The following OC90 variants were observed in gnomAD, a reference collection of about 807,000 sequenced individuals.
OC90 encodes otoconin 90, also known as otoconin-90.
Under a neutral mutation model 47.3 loss-of-function variants are expected in OC90, and 46 were observed. The ratio of observed to expected loss-of-function variants is 0.97; its 90% CI spans 0.77 to 1.24. The LOEUF (loss-of-function observed/expected upper bound fraction) is 1.24. Ranked by LOEUF, OC90 falls within the 50% of genes most tolerant of loss-of-function variation. The probability of loss-of-function intolerance (pLI) is 0.00; values close to 1 mark genes in which losing one functional copy is unlikely to be tolerated. For synonymous variants in OC90, 271 were observed against 219.5 expected (o/e 1.23, Z -2.07); for missense variants, 688 against 583.9 (o/e 1.18, Z -1.84).
chr8:132,040,905 G>A (rs1389746853), intron 6 of OC90, 139 bp downstream of exon 6: 2 of 639,608 alleles, frequency 3.1e-6, no homozygotes, highest in Middle Eastern at 3.7e-4. Context: ...GCCCTCGTGG[G>A]GCTCTAAGTG....
chr8:132,055,751 G>C (rs1823272746), intron 1 of OC90, among the ~76,000 whole-genome samples: 1 of 152,150 alleles, frequency 6.6e-6, no homozygotes, highest in Admixed American at 6.5e-5. Context: ...ACTCCTCGGA[G>C]GATGCTTTGG....
At chr8:132,045,285 T>A (rs1781999034) in intron 3 of OC90, among the ~76,000 whole-genome samples, 1 of 152,204 alleles carries the variant, frequency 6.6e-6, no homozygotes, top group Admixed American at 6.5e-5. Context: ...TGGAAATGAA[T>A]GCTTGATTCA....
In OC90 at chr8:132,034,770, A is replaced by G. The variant is rs745884909; in HGVS notation, c.733+11T>C. 1 of 1,600,440 alleles carries G rather than the reference A, an allele frequency of 6.2e-7. No individual in the cohort carries two copies. Among genetic ancestry groups the G allele is most frequent in the Non-Finnish European group, 8.6e-7 (1 of 1,168,510 alleles). ...TCATGAACATAGGCAGGTGGAGCCC[A>G]GTAGGCTTACCTGGAGGGGACGTAG... On this transcript the variant is annotated intron_variant, in intron 10 of 13. Transcript: ENST00000254627.
intron 2 of OC90, chr8:132,050,007 GT>G (rs1005290746): frequency 8.9e-6 from 3 of 337,650 alleles, no homozygotes; most frequent in African/African-American, 2.1e-5. Flanking sequence ...CATTATAAGG[GT>G]TTTTTTGTCC....
chr8:132,051,417 C>T (rs760135673), intron 2 of OC90, among the ~76,000 whole-genome samples: 7 of 152,178 alleles, frequency 4.6e-5, no homozygotes, highest in African/African-American at 1.4e-4. Context: ...TGAGACCTTC[C>T]TTTTTTGAAG....
At chr8:132,034,655 A>G (rs1822927757) in intron 10 of OC90, 126 bp downstream of exon 10, 6 of 652,686 alleles carry the variant, frequency 9.2e-6, no homozygotes, top group Non-Finnish European at 1.3e-5. Flanking sequence ...TTCTTGCCCC[A>G]TCACCTCCCA....
At chr8:132,057,427 C>A (rs944321256) in intron 1 of OC90, among the ~76,000 whole-genome samples, 1 of 152,070 alleles carries the variant, frequency 6.6e-6, no homozygotes, top group African/African-American at 2.4e-5. Context: ...TGCAAATGAG[C>A]CAAAATGACT....
At chr8:132,033,978 T>G (rs753175586) in intron 10 of OC90, among the ~76,000 whole-genome samples, 30 of 152,246 alleles carry the variant, frequency 2.0e-4, no homozygotes, top group Non-Finnish European at 3.8e-4. Context: ...TTCGTGCATC[T>G]GGTCATCTAC....
intron 2 of OC90, among the ~76,000 whole-genome samples, chr8:132,050,130 C>T (rs1198078813): frequency 6.6e-6 from 1 of 152,080 alleles, no homozygotes; most frequent in Admixed American, 6.6e-5. Context: ...AGCCTTACCT[C>T]ACTGGATCAT....
At chr8:132,045,534 C>T (rs1823119715) in intron 3 of OC90, among the ~76,000 whole-genome samples, 1 of 152,192 alleles carries the variant, frequency 6.6e-6, no homozygotes, top group South Asian at 2.1e-4. Context: ...TAATATATAA[C>T]CTTCACGTCA....
At chr8:132,028,225 C>T (rs1006389209) in intron 13 of OC90, among the ~76,000 whole-genome samples, 2 of 151,962 alleles carry the variant, frequency 1.3e-5, no homozygotes, top group African/African-American at 4.8e-5. Context: ...GAGTATTGGT[C>T]GGGCATGGTA....
Position 132,024,699 on chromosome 8 carries a change from A to G in OC90, c.1216T>C (p.Phe406Leu). ...TAAECMTSAS[F>L]NQSLKSPSRL... ...CTTGGGGACTTGAGGCTTTGGTTAA[A>G]GGAGGCAGAGGTCATGCACTCAGCT... The change falls in exon 14 of 14, where the codon TTT becomes CTT. Residue 406 changes from phenylalanine to leucine, a missense_variant. Transcript: ENST00000254627. The G allele has an allele frequency of 1.9e-6, 3 of 1,613,804 alleles. No individual in the cohort carries two copies. The highest frequency in any genetic ancestry group is 2.5e-6 in the Non-Finnish European group (3 of 1,179,814).
At chr8:132,044,567 T>G in intron 3 of OC90, 78 bp from the exon 4 acceptor site, 2 of 812,666 alleles carry the variant, frequency 2.5e-6, no homozygotes, top group Non-Finnish European at 4.1e-6. Context: ...CTAGGTAAAG[T>G]GTACATAAAA....
chr8:132,049,398 C>T (rs1586715314), intron 2 of OC90, among the ~76,000 whole-genome samples: 1 of 152,150 alleles, frequency 6.6e-6, no homozygotes, highest in Non-Finnish European at 1.5e-5. Flanking sequence ...GCTACCTGCC[C>T]GAGGATCTCA....
At chr8:132,026,943 T>C (rs1822767438) in intron 13 of OC90, among the ~76,000 whole-genome samples, 1 of 152,166 alleles carries the variant, frequency 6.6e-6, no homozygotes, top group Non-Finnish European at 1.5e-5. Flanking sequence ...GTTCCAGCAA[T>C]ACAGAACCAC....
intron 2 of OC90, among the ~76,000 whole-genome samples, chr8:132,052,054 G>A (rs746682158): frequency 6.6e-6 from 1 of 152,186 alleles, no homozygotes; most frequent in Non-Finnish European, 1.5e-5. Context: ...GTGAGGCTGC[G>A]TGGGACGGCT....
At chr8:132,050,946 A>G (rs1309738380) in intron 2 of OC90, among the ~76,000 whole-genome samples, 1 of 152,166 alleles carries the variant, frequency 6.6e-6, no homozygotes, top group African/African-American at 2.4e-5. Context: ...GTGAGCTGAG[A>G]TCACGCCATT....
chr8:132,056,475 A>C (rs1823280979), intron 1 of OC90, among the ~76,000 whole-genome samples: 1 of 152,184 alleles, frequency 6.6e-6, no homozygotes, highest in Non-Finnish European at 1.5e-5. Context: ...AAAAGGGTAG[A>C]GTGTGAGTTC....
chr8:132,044,337 TC>T (rs1045161486), intron 4 of OC90, 95 bp downstream of exon 4: 1 of 720,874 alleles, frequency 1.4e-6, no homozygotes, highest in Admixed American at 2.3e-5. Context: ...CCATGGGAGC[TC>T]CGAGGGTTGA....
Sources: allele counts gnomAD v4.1 joint callset (sites outside exome capture counted in the v4.1 genomes callset), GRCh38; gene constraint gnomAD v4.1.1; transcripts MANE v1.5; gene names NCBI Gene and HGNC (gene_info 2026-07-23, HGNC 2026-07-21).